The following UCK1 variants were observed in gnomAD, a reference collection of about 807,000 sequenced individuals.
The protein encoded by UCK1 is uridine-cytidine kinase 1.
Under a neutral mutation model 34.0 loss-of-function variants are expected in UCK1, and 20 were observed. That is an observed-to-expected ratio of 0.59 (90% confidence interval 0.41 to 0.86). The LOEUF (loss-of-function observed/expected upper bound fraction) is 0.86. UCK1 is among the 40% of genes least tolerant of loss of function. UCK1 has a pLI of 0.00. For synonymous variants in UCK1, 168 were observed against 155.9 expected (o/e 1.08, Z -0.58); for missense variants, 343 against 383.6 (o/e 0.89, Z 0.88).
chr9:131,525,915 G>T lies in UCK1; in HGVS notation c.652+14C>A, dbSNP rs1348461704. 2 of 1,613,470 alleles carry T rather than the reference G, an allele frequency of 1.2e-6. No homozygotes were observed. Among genetic ancestry groups the T allele is most frequent in the Admixed American group, 3.3e-5 (2 of 59,926 alleles). On this transcript the variant is annotated intron_variant, in intron 6 of 6. Transcript: ENST00000372215. Reference sequence around the variant, plus strand: ...GGAGGGGCGGGGGGACAGCCCAGCAGGCCAGCTTCTTACCCATATTGTCCA... The same window carrying T: ...GGAGGGGCGGGGGGACAGCCCAGCATGCCAGCTTCTTACCCATATTGTCCA...
Position 131,524,648 on chromosome 9 carries a change from A to ACT in UCK1, c.*390_*391dup, listed in dbSNP as rs1393224121. On this transcript the variant is annotated 3_prime_UTR_variant, in exon 7 of 7. Coordinates refer to ENST00000372215, the MANE Select transcript of UCK1 (RefSeq NM_031432.5). ...TAAGAACCAGATCAGACTGGAAAAA[A>ACT]CTCTCTCCCACTGTGGGTTCACTGT... The ACT allele has an allele frequency of 5.4e-6, 1 of 184,158 alleles. No individual in the cohort carries two copies. Among genetic ancestry groups the ACT allele is most frequent in the Non-Finnish European group, 1.1e-5 (1 of 90,414 alleles). The allele number at this position is 184,158 out of a possible 1,614,324, so 11.4% of individuals were successfully genotyped here. A position where few individuals can be genotyped will look rare whatever the true frequency, so the allele number is the denominator to read the frequency against.
In UCK1 at chr9:131,525,000, CAT is replaced by C; in HGVS notation, c.*38_*39del. 6.3e-7 allele frequency: 1 copy of C among 1,591,246 alleles called. No homozygotes were observed. Among genetic ancestry groups the C allele is most frequent in the Non-Finnish European group, 8.6e-7 (1 of 1,166,154 alleles). On this transcript the variant is annotated 3_prime_UTR_variant, in exon 7 of 7. Transcript: ENST00000372215. ...TCCCCAGGCTCAGTCCCTGAACACA[CAT>C]GCCGGGCGGGAGACCTGCCCTGAGG...
rs928100957 is a variant in UCK1 at position 131,531,223 on chromosome 9, A to G, written c.-49T>C. On this transcript the variant is annotated 5_prime_UTR_variant, in exon 1 of 7. Transcript: ENST00000372215. ...GGGTCCCCGCGCCCGCCCCTTCCCCAGGCCCGGCGCGCCCGCCCAGCGCCG... is the reference window on the plus strand; with the variant it reads ...GGGTCCCCGCGCCCGCCCCTTCCCCGGGCCCGGCGCGCCCGCCCAGCGCCG... 4 of 1,319,180 alleles carry G rather than the reference A, an allele frequency of 3.0e-6. No individual in the cohort carries two copies. The highest frequency in any genetic ancestry group is 1.6e-5 in the African/African-American group (1 of 63,826). The allele number at this position is 1,319,180 out of a possible 1,614,324, so 81.7% of individuals were successfully genotyped here. A position where few individuals can be genotyped will look rare whatever the true frequency, so the allele number is the denominator to read the frequency against.
chr9:131,526,484 A>T (rs1043934898), intron 5 of UCK1: 1 of 1,289,622 alleles, frequency 7.8e-7, no homozygotes, highest in African/African-American at 1.5e-5. Context: ...GCTGACTCTC[A>T]TTCCCTGTCA....
chr9:131,531,167 G>A lies in UCK1; in HGVS notation c.8C>T (p.Ser3Leu). The change falls in exon 1 of 7, where the codon TCG becomes TTG. Residue 3 changes from serine to leucine, a missense_variant. Physicochemically the swap from Ser to Leu is moderately radical, Grantham distance 145 (BLOSUM62 -2). Transcript: ENST00000372215. ...GCTCTCGCAGTCTTCGCCTCCCGCC[G>A]AAGCCATCTCGGCCTCCGCTCCCGC... Reference protein sequence around the residue: MASAGGEDCESPA... With the variant: MALAGGEDCESPA... 2.8e-6 allele frequency: 4 copies of A among 1,421,964 alleles called. No homozygotes were observed. Among genetic ancestry groups the A allele is most frequent in the Non-Finnish European group, 3.7e-6 (4 of 1,089,010 alleles). 88.1% of individuals were successfully genotyped at this position (1,421,964 alleles called of 1,614,324 possible).
chr9:131,530,804 G>A, intron 1 of UCK1, 159 bp from the exon 2 acceptor site: 1 of 1,310,028 alleles, frequency 7.6e-7, no homozygotes, highest in Non-Finnish European at 1.1e-6. Context: ...AAGGGCCGCG[G>A]GGGCCCAACG....
At position 131,530,569 on chromosome 9, in the gene UCK1, AG is replaced by A; in HGVS notation, c.184del (p.Leu62Ter). 5 of 1,614,246 alleles carry A rather than the reference AG, an allele frequency of 3.1e-6. No individual in the cohort carries two copies. The highest frequency in any genetic ancestry group is 2.5e-6 in the Non-Finnish European group (3 of 1,180,030). ...VEQRQRKVVI[L>X]SQDRFYKVLT... ...GACCTTGTAGAACCTGTCCTGGCTC[AG>A]GATGACCACCTTCCGCTGCCGCTGT... is the stretch of plus-strand genomic sequence containing the variant. On this transcript the variant is annotated frameshift_variant, in exon 2 of 7. Coordinates refer to ENST00000372215, the MANE Select transcript of UCK1 (RefSeq NM_031432.5). LOFTEE classifies it high-confidence loss of function.
At position 131,530,586 on chromosome 9, in the gene UCK1, C is replaced by G; in HGVS notation, c.168G>C (p.Gln56His). 3 of 1,614,274 alleles carry G rather than the reference C, an allele frequency of 1.9e-6. No homozygotes were observed. Among genetic ancestry groups the G allele is most frequent in the Non-Finnish European group, 1.7e-6 (2 of 1,180,050 alleles). Residue 56 changes from glutamine (Q) to histidine (H), a missense_variant, in exon 2 of 7, where the codon CAG becomes CAC. Gln to His is a conservative substitution (Grantham distance 24, BLOSUM62 0). Coordinates refer to ENST00000372215, the MANE Select transcript of UCK1 (RefSeq NM_031432.5). The part of the protein sequence containing the change: ...LLGQNEVEQR[Q>H]RKVVILSQDR... ...CCTGGCTCAGGATGACCACCTTCCG[C>G]TGCCGCTGTTCCACCTCGTTCTGTC...
chr9:131,530,718 A>T, intron 1 of UCK1, 73 bp from the exon 2 acceptor site: 1 of 1,613,340 alleles, frequency 6.2e-7, no homozygotes, highest in African/African-American at 1.3e-5. Flanking sequence ...GCTTCTGGAG[A>T]CACTGACCCA....
In UCK1 at chr9:131,528,902, G is replaced by A. The variant is rs769364747; in HGVS notation, c.603+42C>T. 1.6e-5 allele frequency: 25 copies of A among 1,607,932 alleles called. 1 individual carries two copies. In the South Asian group the frequency reaches 2.8e-4, roughly 18 times the overall value. On this transcript the variant is annotated intron_variant, in intron 5 of 6. Coordinates refer to ENST00000372215, the MANE Select transcript of UCK1 (RefSeq NM_031432.5). ...ACAGTACTGGGTCCCATGTGTCCTT[G>A]TGAAAGGGGAAAATGGGCTCTGAAG...
At chr9:131,526,919 G>GGATGGGCCTGAATACA (rs1471255720) in intron 5 of UCK1, among the ~76,000 whole-genome samples, 1 of 152,208 alleles carries the variant, frequency 6.6e-6, no homozygotes, top group Non-Finnish European at 1.5e-5. Flanking sequence ...CCGCCAGCAG[G>GGATGGGCCTGAATACA]GATGGGCCTG....
chr9:131,526,401 G>A (rs944994054), intron 5 of UCK1: 69 of 1,292,744 alleles, frequency 5.3e-5, no homozygotes, highest in Non-Finnish European at 3.7e-5. Flanking sequence ...GACAGCCGCC[G>A]CCGTGCATAA....
At position 131,530,477 on chromosome 9, in the gene UCK1, G is replaced by A. The variant is rs757578317; in HGVS notation, c.268+9C>T. Reference sequence around the variant, plus strand: ...CTGCCCTCCCCACATCGTTGGGCTCGCGATTTACCTGGATGGTCAAAATTG... The same window carrying A: ...CTGCCCTCCCCACATCGTTGGGCTCACGATTTACCTGGATGGTCAAAATTG... On this transcript the variant is annotated intron_variant, in intron 2 of 6. Coordinates refer to ENST00000372215, the MANE Select transcript of UCK1 (RefSeq NM_031432.5). The A allele has an allele frequency of 2.0e-5, 32 of 1,613,348 alleles. No individual in the cohort carries two copies. The highest frequency in any genetic ancestry group is 2.7e-5 in the Non-Finnish European group (32 of 1,179,392).
intron 5 of UCK1, among the ~76,000 whole-genome samples, chr9:131,527,033 T>C (rs1459913269): frequency 1.3e-5 from 2 of 150,330 alleles, no homozygotes; most frequent in African/African-American, 4.9e-5. Flanking sequence ...TGGGTGGGGC[T>C]GGGGCCGGGT....
intron 2 of UCK1, 72 bp from the exon 3 acceptor site, chr9:131,529,656 T>TGTC: frequency 2.1e-6 from 3 of 1,438,396 alleles, no homozygotes; most frequent in Non-Finnish European, 2.9e-6. Flanking sequence ...CCCTCTCTGC[T>TGTC]CTGGGGTCAG....
At chr9:131,528,536 G>C (rs372679533) in intron 5 of UCK1, among the ~76,000 whole-genome samples, 1 of 152,212 alleles carries the variant, frequency 6.6e-6, no homozygotes, top group Non-Finnish European at 1.5e-5. Context: ...GCAGTGAACA[G>C]ACTAAAGTGC....
intron 5 of UCK1, chr9:131,526,314 G>T: frequency 1.1e-6 from 1 of 924,256 alleles, no homozygotes; most frequent in Non-Finnish European, 1.6e-6. Context: ...GCCAAGCTAA[G>T]TGTGGCACTT....
intron 2 of UCK1, 114 bp downstream of exon 2, chr9:131,530,372 G>A: frequency 9.3e-6 from 12 of 1,296,528 alleles, no homozygotes; most frequent in Non-Finnish European, 1.3e-5. Context: ...GTGGCGAGTT[G>A]GGGGAACAGC....
At chr9:131,530,670 C>T (rs1950801761) in intron 1 of UCK1, 25 bp from the exon 2 acceptor site, 1 of 1,614,222 alleles carries the variant, frequency 6.2e-7, no homozygotes, top group Non-Finnish European at 8.5e-7. Flanking sequence ...GCGGGATTCC[C>T]GCCTGGAACC....
Sources: gnomAD v4.1 joint callset for allele counts (sites outside exome capture counted in the v4.1 genomes callset) on GRCh38, gnomAD v4.1.1 for gene constraint, MANE v1.5 for transcripts, NCBI Gene and HGNC (gene_info 2026-07-23, HGNC 2026-07-21) for gene names.